The following C1QTNF7 variants were observed in gnomAD, a reference collection of about 807,000 sequenced individuals.
C1QTNF7 encodes C1q and TNF related 7.
A neutral mutation model predicts 19.6 loss-of-function variants in C1QTNF7; 15 were observed. The observed-to-expected ratio is 0.76, with a 90% CI of 0.51 to 1.18. The LOEUF (loss-of-function observed/expected upper bound fraction) is 1.18. Among genes scored for constraint, C1QTNF7 ranks in the 50% most tolerant of loss-of-function variants. C1QTNF7 has a pLI of 0.00. For missense variants in C1QTNF7, 324 were observed against 359.7 expected (o/e 0.90, Z 0.80); for synonymous variants, 142 against 137.5 (o/e 1.03, Z -0.23).
chr4:15,360,527 G>A (rs920196133), intron 1 of C1QTNF7, among the ~76,000 whole-genome samples: 12 of 152,056 alleles, frequency 7.9e-5, no homozygotes, highest in Non-Finnish European at 1.5e-4. Flanking sequence ...TCTTCATAAG[G>A]CACATCATAG....
chr4:15,393,923 A>C (rs2108901873), intron 1 of C1QTNF7, among the ~76,000 whole-genome samples: 1 of 152,170 alleles, frequency 6.6e-6, no homozygotes. Context: ...CAGATAAGAA[A>C]CCAGTAACCA....
At chr4:15,441,945 C>T (rs529612471) in intron 2 of C1QTNF7, among the ~76,000 whole-genome samples, 6 of 152,036 alleles carry the variant, frequency 3.9e-5, no homozygotes, top group South Asian at 4.2e-4. Flanking sequence ...TGCTTGAACC[C>T]GGAAGGCGGA....
intron 1 of C1QTNF7, among the ~76,000 whole-genome samples, chr4:15,432,644 C>T (rs1712367645): frequency 6.6e-6 from 1 of 152,194 alleles, no homozygotes; most frequent in East Asian, 1.9e-4. Context: ...ATCCTCCAAC[C>T]TTGGCCACCC....
chr4:15,349,854 G>A (rs538790057), intron 1 of C1QTNF7, among the ~76,000 whole-genome samples: 2 of 152,188 alleles, frequency 1.3e-5, no homozygotes, highest in East Asian at 1.9e-4. Context: ...GTTTTGTGTA[G>A]TAAAGAATAC....
chr4:15,391,082 C>T (rs1718540107), intron 1 of C1QTNF7, among the ~76,000 whole-genome samples: 1 of 151,946 alleles, frequency 6.6e-6, no homozygotes, highest in Non-Finnish European at 1.5e-5. Flanking sequence ...GGGGGTAGAT[C>T]TTCTGACTTC....
intron 1 of C1QTNF7, among the ~76,000 whole-genome samples, chr4:15,348,377 G>T (rs1716787750): frequency 6.6e-6 from 1 of 152,124 alleles, no homozygotes; most frequent in Non-Finnish European, 1.5e-5. Context: ...TCAAGGCCTG[G>T]GATGTTCGGT....
intron 1 of C1QTNF7, among the ~76,000 whole-genome samples, chr4:15,405,577 AACTT>A (rs1719159836): frequency 1.3e-5 from 2 of 152,294 alleles, no homozygotes; most frequent in African/African-American, 4.8e-5. Context: ...AGGCTCAGAG[AACTT>A]AAGTTCACAA....
chr4:15,340,248 C>A (rs1318749803), intron 1 of C1QTNF7: 1 of 1,548,152 alleles, frequency 6.5e-7, no homozygotes, highest in Non-Finnish European at 8.7e-7. Context: ...CTTTTTCCCT[C>A]CTATTCGGCC....
At chr4:15,347,056 G>A (rs1716744510) in intron 1 of C1QTNF7, among the ~76,000 whole-genome samples, 1 of 152,148 alleles carries the variant, frequency 6.6e-6, no homozygotes, top group Admixed American at 6.5e-5. Context: ...AACTTTATAT[G>A]ATCCCAATAT....
chr4:15,341,780 C>A (rs1288781329), intron 1 of C1QTNF7, among the ~76,000 whole-genome samples: 1 of 152,206 alleles, frequency 6.6e-6, no homozygotes, highest in Non-Finnish European at 1.5e-5. Context: ...CGGGGCCCCA[C>A]CCATGACCTC....
rs947506774 is a variant in C1QTNF7, at chr4:15,445,505, C to G, written c.*2706C>G. On this transcript the variant is annotated 3_prime_UTR_variant, in exon 3 of 3. Transcript: ENST00000444304. The stretch of plus-strand genomic sequence containing the variant: ...AGCCTATTTTGAGTAGCTTTTAAAA[C>G]TGAATTTCCTTTAATTGGTTTGAAG... 1.3e-5 allele frequency: 2 copies of G among 152,168 alleles called. No individual in the cohort carries two copies. The highest frequency in any genetic ancestry group is 2.9e-5 in the Non-Finnish European group (2 of 68,026). 9.4% of individuals were successfully genotyped at this position (152,168 alleles called of 1,614,324 possible). A position where few individuals can be genotyped will look rare whatever the true frequency, so the allele number is the denominator to read the frequency against.
At chr4:15,396,485 A>C (rs1718785791) in intron 1 of C1QTNF7, among the ~76,000 whole-genome samples, 1 of 152,220 alleles carries the variant, frequency 6.6e-6, no homozygotes, top group African/African-American at 2.4e-5. Flanking sequence ...GCAGCTGAGC[A>C]GATCTCATGT....
rs974549385 is a variant in C1QTNF7 at position 15,383,519 on chromosome 4, A to C, written c.13+43312A>C. Reference sequence around the variant, plus strand: ...CAATTTATATCCTCCATTGTCCGGTACTTGTGCATACTCATCCCACACACC... The same window carrying C: ...CAATTTATATCCTCCATTGTCCGGTCCTTGTGCATACTCATCCCACACACC... On this transcript the variant is annotated intron_variant, in intron 1 of 2. Coordinates refer to the C1QTNF7 transcript ENST00000295297. Among the ~76,000 whole-genome samples, 6 of 152,358 alleles carry C rather than the reference A, an allele frequency of 3.9e-5. No individual in the cohort carries two copies. In the East Asian group the frequency reaches 1.2e-3, roughly 29 times the overall value.
At chr4:15,405,729 C>T (rs1247347669) in intron 1 of C1QTNF7, among the ~76,000 whole-genome samples, 4 of 152,110 alleles carry the variant, frequency 2.6e-5, no homozygotes, top group Admixed American at 6.5e-5. Flanking sequence ...AGGTCATGTC[C>T]CTCTCCGGCT....
upstream of C1QTNF7, among the ~76,000 whole-genome samples, chr4:15,426,808 G>T (rs558607381): frequency 6.6e-6 from 1 of 152,170 alleles, no homozygotes; most frequent in Admixed American, 6.5e-5. Context: ...TTAAAAGGCT[G>T]TATCACCTGA....
At chr4:15,375,074 G>T (rs1161924133) in intron 1 of C1QTNF7, among the ~76,000 whole-genome samples, 1 of 151,896 alleles carries the variant, frequency 6.6e-6, no homozygotes, top group Non-Finnish European at 1.5e-5. Flanking sequence ...AGAGGAGTGT[G>T]AGGCTGACAC....
intron 1 of C1QTNF7, among the ~76,000 whole-genome samples, chr4:15,420,626 A>G (rs1350133220): frequency 6.6e-6 from 1 of 152,178 alleles, no homozygotes; most frequent in East Asian, 1.9e-4. Context: ...CAATTTATAG[A>G]AGAGAACACT....
At chr4:15,438,236 A>G (rs553608676) in intron 2 of C1QTNF7, among the ~76,000 whole-genome samples, 32 of 152,248 alleles carry the variant, frequency 2.1e-4, no homozygotes, top group Non-Finnish European at 3.8e-4. Flanking sequence ...TTTAAATACA[A>G]TATACACACA....
At chr4:15,364,727 G>A (rs1229957233) in intron 1 of C1QTNF7, among the ~76,000 whole-genome samples, 2 of 152,066 alleles carry the variant, frequency 1.3e-5, no homozygotes, top group Non-Finnish European at 2.9e-5. Flanking sequence ...GAACACCACC[G>A]TGGAGAAAAA....
Sources: gnomAD v4.1 joint callset for allele counts (sites outside exome capture counted in the v4.1 genomes callset) on GRCh38, gnomAD v4.1.1 for gene constraint, MANE v1.5 for transcripts, NCBI Gene and HGNC (gene_info 2026-07-23, HGNC 2026-07-21) for gene names.